Variants in PPP2R2B observed in about 807,000 individuals in gnomAD.
PPP2R2B encodes the protein serine/threonine-protein phosphatase 2A 55 kDa regulatory subunit B beta isoform.
A neutral mutation model predicts 46.0 loss-of-function variants in PPP2R2B; 5 were observed. The observed-to-expected ratio is 0.11, with a 90% CI of 0.06 to 0.23. The LOEUF (loss-of-function observed/expected upper bound fraction) is 0.23. Among genes scored for constraint, PPP2R2B ranks in the 10% least tolerant of loss-of-function variants. The pLI, the probability that PPP2R2B is intolerant of heterozygous loss-of-function variation, is 1.00. For synonymous variants in PPP2R2B, 215 were observed against 206.7 expected, an observed-to-expected ratio of 1.04 and a Z score of -0.34; for missense variants, 367 against 575.0, an observed-to-expected ratio of 0.64 and a Z score of 3.70.
rs1297208654 is a variant in PPP2R2B, at chr5:146,878,215, G to T, written c.-124-20C>A. The stretch of plus-strand genomic sequence containing the variant: ...CCGAGCCTGAGGAGGAGACGGGGAG[G>T]CGGAGAGAAAAAAAATAAAAACCCG... On this transcript the variant is annotated intron_variant, in intron 1 of 9. Coordinates refer to ENST00000394411, the MANE Select transcript of PPP2R2B (RefSeq NM_181675.4). The surrounding 1 kb of genome is among the most constrained non-coding windows in gnomAD (Gnocchi z 4.5). 1 of 1,544,454 alleles carries T rather than the reference G, an allele frequency of 6.5e-7. No individual in the cohort carries two copies. Among genetic ancestry groups the T allele is most frequent in the South Asian group, 1.2e-5 (1 of 83,950 alleles).
At chr5:146,843,670 C>T (rs1405025965) in intron 2 of PPP2R2B, among the ~76,000 whole-genome samples, 6 of 152,180 alleles carry the variant, frequency 3.9e-5, no homozygotes, top group African/African-American at 1.4e-4. Flanking sequence ...AATGGTTCTA[C>T]TTGCTTCTTC....
intron 1 of PPP2R2B, among the ~76,000 whole-genome samples, chr5:146,924,970 C>T (rs750477033): frequency 2.1e-4 from 32 of 152,008 alleles, no homozygotes; most frequent in Admixed American, 8.5e-4. Flanking sequence ...TCACCATATG[C>T]GTTTTAATGT....
At chr5:147,069,327 A>G (rs1757505802) in intron 2 of PPP2R2B, among the ~76,000 whole-genome samples, 2 of 152,212 alleles carry the variant, frequency 1.3e-5, no homozygotes, top group South Asian at 2.1e-4. Flanking sequence ...CAATACAAGT[A>G]TAAGGAAGAT....
At chr5:146,669,078 A>G (rs1351463792) in intron 5 of PPP2R2B, among the ~76,000 whole-genome samples, 1 of 152,228 alleles carries the variant, frequency 6.6e-6, no homozygotes, top group East Asian at 1.9e-4. Flanking sequence ...GGAAAAGAGA[A>G]CAAATGTGCA....
chr5:146,886,839 A>T (rs1762344922), intron 1 of PPP2R2B, among the ~76,000 whole-genome samples: 1 of 151,974 alleles, frequency 6.6e-6, no homozygotes, highest in African/African-American at 2.4e-5. Flanking sequence ...AAAAAAAAAA[A>T]TAAGTATTTT....
At chr5:146,977,653 G>T (rs1031421041) in intron 1 of PPP2R2B, among the ~76,000 whole-genome samples, 1 of 152,084 alleles carries the variant, frequency 6.6e-6, no homozygotes, top group African/African-American at 2.4e-5. Context: ...GTGTTAGTTT[G>T]CCGAGAATGA....
intron 2 of PPP2R2B, among the ~76,000 whole-genome samples, chr5:146,875,530 C>T (rs1761847405): frequency 6.6e-6 from 1 of 152,050 alleles, no homozygotes. Context: ...ACACTAACTA[C>T]ACAGCAAAAA....
intron 2 of PPP2R2B, chr5:146,706,757 T>C: frequency 1.2e-6 from 1 of 802,574 alleles, no homozygotes. Flanking sequence ...CTGCAGCTCC[T>C]CATACTTGAT....
At chr5:146,777,578 A>T (rs577880712) in intron 2 of PPP2R2B, among the ~76,000 whole-genome samples, 7 of 152,276 alleles carry the variant, frequency 4.6e-5, no homozygotes, top group African/African-American at 1.7e-4. Flanking sequence ...AATTAACGCC[A>T]CTAAATATGC....
In PPP2R2B at chr5:146,587,272, G is replaced by C. The variant is rs1770212296; in HGVS notation, c.*2675C>G. 6.6e-6 allele frequency: 1 copy of C among 152,208 alleles called. No homozygotes were observed. Among genetic ancestry groups the C allele is most frequent in the Non-Finnish European group, 1.5e-5 (1 of 68,062 alleles). The allele number at this position is 152,208 out of a possible 1,614,324, so 9.4% of individuals were successfully genotyped here. ...GAACAGTTAATTTGTGAAACATCGT[G>C]GTGGTTATTGCTCCCTGAGGCCTAA... On this transcript the variant is annotated 3_prime_UTR_variant, in exon 10 of 10. Transcript: ENST00000394411.
rs78723580 is a variant in PPP2R2B at position 146,941,067 on chromosome 5, G to A, written c.79+114598C>T. 2.0e-3 allele frequency among the ~76,000 whole-genome samples: 306 copies of A among 152,204 alleles called. 1 individual carries two copies. Among genetic ancestry groups the A allele is most frequent in the African/African-American group, 6.9e-3 (288 of 41,544 alleles). On this transcript the variant is annotated intron_variant, in intron 1 of 8. Coordinates refer to the PPP2R2B transcript ENST00000336640. The stretch of plus-strand genomic sequence containing the variant: ...AATCAGAAGGAATGAGTTTCCTGGA[G>A]ACTTGTCTTCTTTGTTCTCAAGATT...
chr5:146,759,585 A>G (rs1582038007), intron 2 of PPP2R2B, among the ~76,000 whole-genome samples: 1 of 152,176 alleles, frequency 6.6e-6, no homozygotes, highest in East Asian at 1.9e-4. Flanking sequence ...CATCACCTCT[A>G]GAAAGCTCTC....
rs1164606944 is a variant in PPP2R2B, at chr5:146,584,083, G to T, written c.*5864C>A. The T allele has an allele frequency of 6.6e-6, 1 of 152,444 alleles. No homozygotes were observed. The highest frequency in any genetic ancestry group is 1.5e-5 in the Non-Finnish European group (1 of 68,216). 9.4% of individuals were successfully genotyped at this position (152,444 alleles called of 1,614,324 possible). On this transcript the variant is annotated 3_prime_UTR_variant, in exon 10 of 10. Transcript: ENST00000394411. The stretch of plus-strand genomic sequence containing the variant: ...CTGTTCACCCAGGAAAACCCAGGTT[G>T]ACTTTTTGGGGAATGAGCAGCAGGG...
At chr5:147,008,766 T>C (rs138663783) in intron 1 of PPP2R2B, among the ~76,000 whole-genome samples, 1 of 152,178 alleles carries the variant, frequency 6.6e-6, no homozygotes. Flanking sequence ...CCACACATCA[T>C]CTTTGATAAG....
chr5:146,836,335 G>T (rs566027221), intron 2 of PPP2R2B, among the ~76,000 whole-genome samples: 1 of 152,234 alleles, frequency 6.6e-6, no homozygotes, highest in African/African-American at 2.4e-5. Context: ...TTTGGCTGTG[G>T]CTCACCACAC....
chr5:146,803,427 G>A (rs1057158842), intron 2 of PPP2R2B, among the ~76,000 whole-genome samples: 24 of 152,210 alleles, frequency 1.6e-4, no homozygotes, highest in African/African-American at 5.1e-4. Flanking sequence ...ATAACATTAA[G>A]TTTAAATTCA....
chr5:146,877,682 G>A (rs1474707193), intron 2 of PPP2R2B, among the ~76,000 whole-genome samples: 2 of 152,092 alleles, frequency 1.3e-5, no homozygotes, highest in Non-Finnish European at 2.9e-5. Context: ...CAAGACCCCT[G>A]CGAACATCTC....
intron 2 of PPP2R2B, among the ~76,000 whole-genome samples, chr5:146,739,529 G>T (rs1752742216): frequency 6.6e-6 from 1 of 152,186 alleles, no homozygotes; most frequent in Non-Finnish European, 1.5e-5. Context: ...TGAGACGGAA[G>T]CATGGAGTGC....
intron 2 of PPP2R2B, among the ~76,000 whole-genome samples, chr5:146,872,249 G>A (rs1370524934): frequency 6.6e-6 from 1 of 152,160 alleles, no homozygotes; most frequent in Non-Finnish European, 1.5e-5. Context: ...AATGCATTCT[G>A]GTTATTATGT....
Sources: gnomAD v4.1 joint callset for allele counts (sites outside exome capture counted in the v4.1 genomes callset) on GRCh38, gnomAD v4.1.1 for gene constraint, Gnocchi (gnomAD v3.1) non-coding constraint, MANE v1.5 for transcripts, NCBI Gene and HGNC (gene_info 2026-07-23, HGNC 2026-07-21) for gene names.